KLF5: variants seen among roughly 807,000 people sequenced by gnomAD.
KLF5 encodes the protein KLF transcription factor 5.
KLF5 carries 9 observed loss-of-function variants against 36.9 expected under a neutral mutation model. That is an observed-to-expected ratio of 0.24 (90% confidence interval 0.15 to 0.43). KLF5 has a LOEUF of 0.43. Among genes scored for constraint, KLF5 ranks in the 20% least tolerant of loss-of-function variants. The pLI, the probability that KLF5 is intolerant of heterozygous loss-of-function variation, is 1.00. For synonymous variants in KLF5, 246 were observed against 241.7 expected, an observed-to-expected ratio of 1.02 and a Z score of -0.17; for missense variants, 524 against 599.5, an observed-to-expected ratio of 0.87 and a Z score of 1.31.
At chr13:73,071,953 C>T (rs565214966) in intron 3 of KLF5, among the ~76,000 whole-genome samples, 2 of 152,292 alleles carry the variant, frequency 1.3e-5, no homozygotes, top group South Asian at 4.1e-4. Context: ...GACTTTAATT[C>T]TCATGATATT....
intron 1 of KLF5, among the ~76,000 whole-genome samples, chr13:73,060,961 A>T (rs946085637): frequency 2.0e-5 from 3 of 152,150 alleles, no homozygotes; most frequent in Non-Finnish European, 4.4e-5. Context: ...CACTAAGAAG[A>T]TAAGGGATGA....
chr13:73,055,266 TAAG>T (rs1483057670), upstream of KLF5: 1 of 152,228 alleles, frequency 6.6e-6, no homozygotes, highest in African/African-American at 2.4e-5. Context: ...TGAAATATTT[TAAG>T]AAGAACACAT....
At position 73,075,885 on chromosome 13, in the gene KLF5, G is replaced by A. The variant is rs2044757022; in HGVS notation, c.1373G>A (p.Ter458=). 3 of 1,579,354 alleles carry A rather than the reference G, an allele frequency of 1.9e-6. No homozygotes were observed. The highest frequency in any genetic ancestry group is 2.6e-6 in the Non-Finnish European group (3 of 1,153,196). The change falls in exon 4 of 4, where the codon TGA becomes TAA. Residue 458 remains the stop codon, a stop_retained_variant. Transcript: ENST00000377687. Reference sequence around the variant, plus strand: ...CTGCATATGAAGAGGCACCAGAACTGAGCACTGCCCGTGTGACCCGTTCCA... The same window carrying A: ...CTGCATATGAAGAGGCACCAGAACTAAGCACTGCCCGTGTGACCCGTTCCA... ...LALHMKRHQN[*] is the part of the protein sequence containing the mutation.
In KLF5 at chr13:73,059,149, G is replaced by C. The variant is rs2044607894; in HGVS notation, c.-179G>C. The C allele has an allele frequency of 2.1e-6, 1 of 472,758 alleles. No individual in the cohort carries two copies. The highest frequency in any genetic ancestry group is 2.0e-5 in the African/African-American group (1 of 49,422). 29.3% of individuals were successfully genotyped at this position (472,758 alleles called of 1,614,324 possible). On this transcript the variant is annotated 5_prime_UTR_variant, in exon 1 of 4. Coordinates refer to ENST00000377687, the MANE Select transcript of KLF5 (RefSeq NM_001730.5). ...GACGTTGGCGTTTACGTGTGGAAGA[G>C]CGGAAGAGTTTTGCTTTTCGTGCGC...
chr13:73,073,960 C>G (rs911571988), intron 3 of KLF5, among the ~76,000 whole-genome samples: 1 of 152,042 alleles, frequency 6.6e-6, no homozygotes, highest in Non-Finnish European at 1.5e-5. Flanking sequence ...GAAAAAACTT[C>G]TAGAATTGAG....
chr13:73,070,602 C>T (rs2044716106), intron 3 of KLF5, among the ~76,000 whole-genome samples: 1 of 152,110 alleles, frequency 6.6e-6, no homozygotes, highest in Admixed American at 6.6e-5. Context: ...TAAGTGTAAC[C>T]CCTGACATCG....
rs1319053352 is a variant in KLF5 at position 73,076,972 on chromosome 13, CAGTTT to C, written c.*1091_*1095del. The C allele has an allele frequency of 6.6e-5, 10 of 152,510 alleles. No homozygotes were observed. The highest frequency in any genetic ancestry group is 2.1e-4 in the South Asian group (1 of 4,828). 9.4% of individuals were successfully genotyped at this position (152,510 alleles called of 1,614,324 possible). A position where few individuals can be genotyped will look rare whatever the true frequency, so the allele number is the denominator to read the frequency against. The stretch of plus-strand genomic sequence containing the variant: ...CAGTAATTTTATCTAAATTACAGTG[CAGTTT>C]AGTTAATCTATTAATACTGACTCAG... On this transcript the variant is annotated 3_prime_UTR_variant, in exon 4 of 4. Coordinates refer to ENST00000377687, the MANE Select transcript of KLF5 (RefSeq NM_001730.5).
intron 1 of KLF5, among the ~76,000 whole-genome samples, chr13:73,061,426 A>C (rs1016846402): frequency 1.2e-4 from 18 of 152,032 alleles, no homozygotes; most frequent in Non-Finnish European, 1.5e-5. Flanking sequence ...ATTAAAAAAA[A>C]CCACGCTTTT....
intron 3 of KLF5, among the ~76,000 whole-genome samples, chr13:73,075,477 C>T (rs2044752844): frequency 6.6e-6 from 1 of 152,116 alleles, no homozygotes; most frequent in African/African-American, 2.4e-5. Flanking sequence ...CAAAGGTACA[C>T]AAAATGCTTT....
chr13:73,059,611 C>G (rs1190463417), intron 1 of KLF5, 23 bp downstream of exon 1: 2 of 1,146,724 alleles, frequency 1.7e-6, no homozygotes, highest in Non-Finnish European at 1.1e-6. Context: ...GCTCCCCTCC[C>G]ACCGCAGCAC....
At chr13:73,063,755 C>G in intron 2 of KLF5, 69 bp from the exon 3 acceptor site, 4 of 1,077,984 alleles carry the variant, frequency 3.7e-6, no homozygotes, top group Non-Finnish European at 5.7e-6. Flanking sequence ...AGATTTTAAA[C>G]ACTGAATCAT....
chr13:73,064,129 T>C (rs2044662100), intron 3 of KLF5, among the ~76,000 whole-genome samples: 1 of 152,120 alleles, frequency 6.6e-6, no homozygotes, highest in South Asian at 2.1e-4. Flanking sequence ...CAGAGTTGAT[T>C]ACCCAAAAAT....
chr13:73,058,558 C>A (rs529642085), upstream of KLF5, among the ~76,000 whole-genome samples: 162 of 152,366 alleles, frequency 1.1e-3, no homozygotes, highest in Middle Eastern at 3.4e-3. Context: ...AAAGCCTCAG[C>A]GCCCCTACCT....
upstream of KLF5, among the ~76,000 whole-genome samples, chr13:73,057,889 T>C (rs2044594370): frequency 6.6e-6 from 1 of 152,230 alleles, no homozygotes; most frequent in Non-Finnish European, 1.5e-5. Flanking sequence ...CCTTAGGTGA[T>C]TGCTGGCAAA....
At chr13:73,071,704 A>C (rs929171807) in intron 3 of KLF5, among the ~76,000 whole-genome samples, 1 of 152,194 alleles carries the variant, frequency 6.6e-6, no homozygotes, top group Non-Finnish European at 1.5e-5. Context: ...AAATCTAATT[A>C]TTATTGAATT....
intron 3 of KLF5, among the ~76,000 whole-genome samples, chr13:73,072,432 A>G (rs1327126072): frequency 6.6e-6 from 1 of 152,226 alleles, no homozygotes; most frequent in South Asian, 2.1e-4. Flanking sequence ...TCTCTGTTTC[A>G]GATCGTCTGG....
intron 2 of KLF5, among the ~76,000 whole-genome samples, 173 bp from the exon 3 acceptor site, chr13:73,063,651 C>G (rs2044657305): frequency 6.6e-6 from 1 of 152,126 alleles, no homozygotes; most frequent in Admixed American, 6.5e-5. Context: ...CACTTCATGC[C>G]TTTAATAAGG....
intron 3 of KLF5, among the ~76,000 whole-genome samples, chr13:73,068,703 C>CAAAAAA (rs59878653): frequency 1.1e-5 from 1 of 93,214 alleles, no homozygotes; most frequent in African/African-American, 4.3e-5. Context: ...GACTCCATCT[C>CAAAAAA]AAAAAAAAAA....
chr13:73,067,938 T>G (rs778777257), intron 3 of KLF5, among the ~76,000 whole-genome samples: 3 of 151,810 alleles, frequency 2.0e-5, no homozygotes, highest in Non-Finnish European at 4.4e-5. Context: ...CCTCCCAGGT[T>G]CAAGCGATTC....
Sources: gnomAD v4.1 joint callset for allele counts (sites outside exome capture counted in the v4.1 genomes callset) on GRCh38, gnomAD v4.1.1 for gene constraint, MANE v1.5 for transcripts, NCBI Gene and HGNC (gene_info 2026-07-23, HGNC 2026-07-21) for gene names.